Variants in HMBOX1 observed in about 807,000 individuals in gnomAD.
HMBOX1 encodes the protein homeobox-containing protein 1.
Under a neutral mutation model 54.5 loss-of-function variants are expected in HMBOX1, and 14 were observed. That is an observed-to-expected ratio of 0.26 (90% CI 0.17 to 0.40). The LOEUF (loss-of-function observed/expected upper bound fraction) is 0.40, where lower values mean the gene tolerates loss of function less well. Ranked by LOEUF, HMBOX1 falls within the 10% of genes least tolerant of loss-of-function variation. HMBOX1 has a pLI of 1.00. For missense variants in HMBOX1, 332 were observed against 514.4 expected (o/e 0.65, Z 3.43); for synonymous variants, 160 against 181.0 (o/e 0.88, Z 0.93).
rs981368633 is a variant in HMBOX1 at position 29,049,305 on chromosome 8, C to G, written c.1125+257C>G. 13 of 1,535,402 alleles carry G rather than the reference C, an allele frequency of 8.5e-6. No individual in the cohort carries two copies. In the African/African-American group the frequency reaches 1.6e-4, roughly 19 times the overall value. On this transcript the variant is annotated intron_variant, in intron 9 of 9. Transcript: ENST00000287701. The stretch of plus-strand genomic sequence containing the variant: ...CATACAACAGGATACTTGGCAAGTA[C>G]GCAATGGGGAGGAGGAGGAGGGAAG...
At chr8:29,042,526 A>C in intron 6 of HMBOX1, 2 of 402,982 alleles carry the variant, frequency 5.0e-6, no homozygotes, top group Non-Finnish European at 1.0e-5. Flanking sequence ...ATGAAAGGCA[A>C]TTGGTTAGAA....
intron 1 of HMBOX1, among the ~76,000 whole-genome samples, chr8:28,942,933 A>G (rs1807595102): frequency 6.6e-6 from 1 of 152,148 alleles, no homozygotes; most frequent in Non-Finnish European, 1.5e-5. Context: ...CTACCTTTTC[A>G]GTTACTAAAC....
chr8:28,893,495 A>G (rs1811448291), intron 1 of HMBOX1, among the ~76,000 whole-genome samples: 2 of 152,184 alleles, frequency 1.3e-5, no homozygotes, highest in South Asian at 2.1e-4. Context: ...AGTGAACACT[A>G]TGTATGGTCA....
chr8:29,003,102 T>A (rs1238048817), intron 4 of HMBOX1, among the ~76,000 whole-genome samples: 1 of 152,058 alleles, frequency 6.6e-6, no homozygotes, highest in Non-Finnish European at 1.5e-5. Context: ...TTTTCATTTT[T>A]TATCTAAGTA....
At chr8:28,915,093 A>G (rs1262485683) in intron 1 of HMBOX1, among the ~76,000 whole-genome samples, 1 of 152,200 alleles carries the variant, frequency 6.6e-6, no homozygotes, top group East Asian at 1.9e-4. Context: ...AGATGTCATC[A>G]GTAATCTTTG....
At chr8:28,929,429 T>C (rs1819085826) in intron 1 of HMBOX1, among the ~76,000 whole-genome samples, 1 of 152,132 alleles carries the variant, frequency 6.6e-6, no homozygotes, top group Non-Finnish European at 1.5e-5. Context: ...ATTTGGGTAG[T>C]AGTGGTGGCA....
chr8:28,985,177 A>C lies in HMBOX1; in HGVS notation c.586+5021A>C, dbSNP rs1269950548. 2.0e-5 allele frequency among the ~76,000 whole-genome samples: 3 copies of C among 152,176 alleles called. No individual in the cohort carries two copies. The East Asian group carries it at 5.8e-4, about 29-fold the overall frequency. On this transcript the variant is annotated intron_variant, in intron 4 of 9. Coordinates refer to ENST00000287701, the MANE Select transcript of HMBOX1 (RefSeq NM_001135726.3). ...GGTGGCTTATAAACAACTGAAATTT[A>C]TTTCTCACAGTTCTGGAGGCTGGGA...
chr8:28,985,407 C>T (rs891146107), intron 4 of HMBOX1, among the ~76,000 whole-genome samples: 1 of 152,294 alleles, frequency 6.6e-6, no homozygotes, highest in East Asian at 1.9e-4. Flanking sequence ...AAAACCATCA[C>T]CTTGAAAGTA....
At chr8:28,904,391 C>G (rs1330594231) in intron 1 of HMBOX1, among the ~76,000 whole-genome samples, 1 of 151,792 alleles carries the variant, frequency 6.6e-6, no homozygotes, top group African/African-American at 2.4e-5. Flanking sequence ...CGCCACCATG[C>G]CCAGCCGATT....
chr8:28,892,389 T>C (rs1811184870), intron 1 of HMBOX1, among the ~76,000 whole-genome samples: 1 of 152,198 alleles, frequency 6.6e-6, no homozygotes, highest in African/African-American at 2.4e-5. Context: ...AATAACACAC[T>C]AGGAGAATTT....
At chr8:29,021,758 G>T (rs924698818) in intron 6 of HMBOX1, among the ~76,000 whole-genome samples, 1 of 151,646 alleles carries the variant, frequency 6.6e-6, no homozygotes, top group African/African-American at 2.4e-5. Context: ...TACTCGGGAG[G>T]CTGAGGCAGG....
At chr8:28,979,244 T>G (rs1242428321) in intron 3 of HMBOX1, among the ~76,000 whole-genome samples, 2 of 152,208 alleles carry the variant, frequency 1.3e-5, no homozygotes, top group East Asian at 3.8e-4. Flanking sequence ...AACTATAATT[T>G]TTGTTTATTC....
intron 5 of HMBOX1, chr8:29,010,142 C>G (rs545113998): frequency 1.0e-6 from 1 of 977,026 alleles, no homozygotes; most frequent in Non-Finnish European, 1.2e-6. Flanking sequence ...AACCTATCAA[C>G]CTCTACAATA....
intron 6 of HMBOX1, among the ~76,000 whole-genome samples, chr8:29,020,696 A>G (rs1047691108): frequency 1.3e-5 from 2 of 152,248 alleles, no homozygotes; most frequent in Non-Finnish European, 2.9e-5. Context: ...AAAATACTTA[A>G]TAGTACAGAA....
At chr8:28,905,858 T>C (rs1004140454) in intron 1 of HMBOX1, among the ~76,000 whole-genome samples, 33 of 152,202 alleles carry the variant, frequency 2.2e-4, no homozygotes, top group African/African-American at 7.7e-4. Context: ...TTAAACTTCT[T>C]TAAAATACTT....
chr8:28,898,993 G>GC (rs1184765277), intron 1 of HMBOX1, among the ~76,000 whole-genome samples: 110 of 152,316 alleles, frequency 7.2e-4, no homozygotes, highest in Non-Finnish European at 2.5e-4. Flanking sequence ...GTCTAGCAGT[G>GC]CGTGATGAGG....
chr8:28,965,701 C>G (rs1278260819), intron 2 of HMBOX1, among the ~76,000 whole-genome samples: 3 of 152,166 alleles, frequency 2.0e-5, no homozygotes, highest in Non-Finnish European at 2.9e-5. Context: ...CCTGTTGCAG[C>G]CTGAGCTCTC....
At chr8:28,938,463 G>A (rs748177338) in intron 1 of HMBOX1, among the ~76,000 whole-genome samples, 12 of 152,042 alleles carry the variant, frequency 7.9e-5, no homozygotes, top group Admixed American at 2.6e-4. Flanking sequence ...TTAAGAGACA[G>A]GGTCTTGCTC....
At position 28,937,345 on chromosome 8, in the gene HMBOX1, C is replaced by T. The variant is rs117632812; in HGVS notation, c.-57-26466C>T. ...AGGAAAATTATTCTTATGTGTACAA[C>T]ATTATTATCTCATAAGAGTACTTGC... On this transcript the variant is annotated intron_variant, in intron 1 of 9. Transcript: ENST00000287701. Among the ~76,000 whole-genome samples the T allele has an allele frequency of 3.8e-3, 586 of 152,260 alleles. 2 individuals are homozygous for T. Among genetic ancestry groups the T allele is most frequent in the Non-Finnish European group, 5.7e-3 (385 of 68,006 alleles).
Sources: gnomAD v4.1 joint callset for allele counts (sites outside exome capture counted in the v4.1 genomes callset) on GRCh38, gnomAD v4.1.1 for gene constraint, MANE v1.5 for transcripts, NCBI Gene and HGNC (gene_info 2026-07-23, HGNC 2026-07-21) for gene names.